CAMK1D: variants seen among roughly 807,000 people sequenced by gnomAD.
CAMK1D encodes the protein calcium/calmodulin dependent protein kinase ID.
A neutral mutation model predicts 47.7 loss-of-function variants in CAMK1D; 9 were observed. That is an observed-to-expected ratio of 0.19 (90% CI 0.11 to 0.33). The LOEUF (loss-of-function observed/expected upper bound fraction) is 0.33, where lower values mean the gene tolerates loss of function less well. Ranked by LOEUF, CAMK1D falls within the 10% of genes least tolerant of loss-of-function variation. The pLI is 1.00. For missense variants in CAMK1D, 291 were observed against 488.7 expected, an observed-to-expected ratio of 0.60 and a Z score of 3.81; for synonymous variants, 184 against 184.9, an observed-to-expected ratio of 0.99 and a Z score of 0.04.
chr10:12,645,103 T>C (rs1199286875), intron 2 of CAMK1D, among the ~76,000 whole-genome samples: 1 of 152,184 alleles, frequency 6.6e-6, no homozygotes, highest in Admixed American at 6.5e-5. Context: ...TCCTCTGCCT[T>C]CTTTGTTCTT....
chr10:12,740,921 C>G (rs1275847079), intron 3 of CAMK1D, among the ~76,000 whole-genome samples: 4 of 152,150 alleles, frequency 2.6e-5, no homozygotes, highest in Admixed American at 6.5e-5. Flanking sequence ...TAATCATGAG[C>G]TAGCCAGAAG....
intron 1 of CAMK1D, among the ~76,000 whole-genome samples, chr10:12,453,536 G>A (rs1236204140): frequency 6.6e-6 from 1 of 152,154 alleles, no homozygotes; most frequent in African/African-American, 2.4e-5. Flanking sequence ...TGTATGGCTA[G>A]ATCATATTTC....
chr10:12,473,906 C>G (rs1386378816), intron 1 of CAMK1D, among the ~76,000 whole-genome samples: 1 of 152,210 alleles, frequency 6.6e-6, no homozygotes, highest in Non-Finnish European at 1.5e-5. Context: ...ATGGAACTTT[C>G]TTTTAGAACC....
chr10:12,665,836 G>A (rs1371744622), intron 2 of CAMK1D, among the ~76,000 whole-genome samples: 6 of 152,378 alleles, frequency 3.9e-5, no homozygotes, highest in East Asian at 1.9e-4. Flanking sequence ...GGTTGGAAAT[G>A]CAGCCTTCGA....
intron 1 of CAMK1D, among the ~76,000 whole-genome samples, chr10:12,428,669 C>A (rs1461826564): frequency 6.6e-6 from 1 of 152,218 alleles, no homozygotes; most frequent in African/African-American, 2.4e-5. Context: ...CTCCCACTGC[C>A]CTTAGAACAC....
chr10:12,717,241 G>A (rs1170391797), intron 3 of CAMK1D, among the ~76,000 whole-genome samples: 1 of 152,112 alleles, frequency 6.6e-6, no homozygotes, highest in Non-Finnish European at 1.5e-5. Context: ...TGCTTTCACA[G>A]TGAACTATAA....
rs138225409 is a variant in CAMK1D at position 12,742,875 on chromosome 10, A to G, written c.300-18073A>G. Among the ~76,000 whole-genome samples, 627 of 152,306 alleles carry G rather than the reference A, an allele frequency of 4.1e-3. 8 individuals are homozygous for G. Among genetic ancestry groups the G allele is most frequent in the African/African-American group, 0.014 (583 of 41,558 alleles). On this transcript the variant is annotated intron_variant, in intron 3 of 10. Coordinates refer to ENST00000619168, the MANE Select transcript of CAMK1D (RefSeq NM_153498.4). ...TTAGAGTTCTTCCAGTTTATTCTTC[A>G]AGAGGAGAGCCCGCGTCAGAGACGG...
At chr10:12,555,588 A>G (rs967367046) in intron 2 of CAMK1D, among the ~76,000 whole-genome samples, 3 of 152,232 alleles carry the variant, frequency 2.0e-5, no homozygotes, top group African/African-American at 4.8e-5. Context: ...TGAGACATTT[A>G]TTTAAATTGC....
At chr10:12,602,388 A>G (rs955684456) in intron 2 of CAMK1D, among the ~76,000 whole-genome samples, 28 of 152,164 alleles carry the variant, frequency 1.8e-4, no homozygotes, top group Admixed American at 3.9e-4. Context: ...CTCTCATTTC[A>G]TGTTCATAGG....
At chr10:12,503,951 G>A (rs188168828) in intron 1 of CAMK1D, among the ~76,000 whole-genome samples, 1 of 152,262 alleles carries the variant, frequency 6.6e-6, no homozygotes, top group East Asian at 1.9e-4. Context: ...GGCCTCAGCT[G>A]GATTTCATGT....
At chr10:12,495,361 T>C (rs563890758) in intron 1 of CAMK1D, among the ~76,000 whole-genome samples, 2 of 152,356 alleles carry the variant, frequency 1.3e-5, no homozygotes, top group Admixed American at 6.5e-5. Flanking sequence ...TGATAGCAAT[T>C]GTAGTGAGTC....
chr10:12,421,833 T>C (rs1016797814), intron 1 of CAMK1D, among the ~76,000 whole-genome samples: 1 of 150,500 alleles, frequency 6.6e-6, no homozygotes, highest in Non-Finnish European at 1.5e-5. Flanking sequence ...TCTTATTTTT[T>C]TGAGACAGAG....
chr10:12,693,512 G>A (rs1392239346), intron 3 of CAMK1D, among the ~76,000 whole-genome samples: 1 of 151,954 alleles, frequency 6.6e-6, no homozygotes, highest in East Asian at 1.9e-4. Context: ...GGTGGACATG[G>A]TGAGGGGGCC....
chr10:12,359,382 C>T lies in CAMK1D; in HGVS notation c.92+9472C>T, dbSNP rs1021326522. On this transcript the variant is annotated intron_variant, in intron 1 of 10. Transcript: ENST00000619168. ...CCCGCTGAGCCATTCAACATTTGCT[C>T]CCAACAGGGGTGATTAGTTCATGTA... Among the ~76,000 whole-genome samples the T allele has an allele frequency of 5.3e-5, 8 of 152,210 alleles. No homozygotes were observed. The South Asian group carries it at 1.2e-3, about 24-fold the overall frequency.
chr10:12,358,099 A>G (rs1837566725), intron 1 of CAMK1D, among the ~76,000 whole-genome samples: 1 of 152,084 alleles, frequency 6.6e-6, no homozygotes, highest in African/African-American at 2.4e-5. Context: ...CTGGCTCACA[A>G]CTGTAATCCC....
chr10:12,830,163 T>C lies in CAMK1D; in HGVS notation c.*1276T>C, dbSNP rs1382495607. On this transcript the variant is annotated 3_prime_UTR_variant, in exon 11 of 11. Transcript: ENST00000619168. ...GAGCTAACAGATGAAAGCTCAGCTATGCAGTGTTAAAATTCATCTCTTTCT... is the reference window on the plus strand; with the variant it reads ...GAGCTAACAGATGAAAGCTCAGCTACGCAGTGTTAAAATTCATCTCTTTCT... The C allele has an allele frequency of 6.6e-6, 1 of 152,214 alleles. No individual in the cohort carries two copies. Among genetic ancestry groups the C allele is most frequent in the East Asian group, 1.9e-4 (1 of 5,196 alleles). 9.4% of individuals were successfully genotyped at this position (152,214 alleles called of 1,614,324 possible). A position where few individuals can be genotyped will look rare whatever the true frequency, so the allele number is the denominator to read the frequency against.
chr10:12,618,893 A>G, intron 2 of CAMK1D, among the ~76,000 whole-genome samples: 1 of 152,222 alleles, frequency 6.6e-6, no homozygotes, highest in Non-Finnish European at 1.5e-5. Context: ...ATTCTGTTTT[A>G]CTGTTAAAGA....
intron 2 of CAMK1D, among the ~76,000 whole-genome samples, chr10:12,611,196 C>T (rs909216050): frequency 2.0e-5 from 3 of 152,056 alleles, no homozygotes; most frequent in African/African-American, 7.2e-5. Context: ...CCTGGTGAGT[C>T]CCAGAGCTGA....
At chr10:12,564,064 T>C (rs1445280325) in intron 2 of CAMK1D, among the ~76,000 whole-genome samples, 2 of 133,862 alleles carry the variant, frequency 1.5e-5, no homozygotes, top group Non-Finnish European at 3.3e-5. Context: ...AAGAGCAGTC[T>C]GTCTGTCTAT....
Sources: allele counts gnomAD v4.1 joint callset (sites outside exome capture counted in the v4.1 genomes callset), GRCh38; gene constraint gnomAD v4.1.1; transcripts MANE v1.5; gene names NCBI Gene and HGNC (gene_info 2026-07-23, HGNC 2026-07-21).